The following CHRNA7 variants were observed in gnomAD, a reference collection of about 807,000 sequenced individuals.
The protein encoded by CHRNA7 is cholinergic receptor nicotinic alpha 7 subunit.
A neutral mutation model predicts 48.0 loss-of-function variants in CHRNA7; 17 were observed. The ratio of observed to expected loss-of-function variants is 0.35; its 90% CI spans 0.24 to 0.53. The LOEUF (loss-of-function observed/expected upper bound fraction) is 0.53. CHRNA7 is among the 20% of genes least tolerant of loss of function. CHRNA7 has a pLI of 0.92. For synonymous variants in CHRNA7, 75 were observed against 242.3 expected (o/e 0.31, Z 6.41); for missense variants, 155 against 577.7 (o/e 0.27, Z 7.50).
chr15:32,163,476 G>T (rs2051966895), intron 9 of CHRNA7, 141 bp downstream of exon 9: 1 of 256,688 alleles, frequency 3.9e-6, no homozygotes, highest in African/African-American at 4.3e-5. Flanking sequence ...TTGAGACGGA[G>T]TCTCACTATG....
chr15:32,104,322 C>A (rs1301555098), intron 3 of CHRNA7, among the ~76,000 whole-genome samples: 1 of 152,032 alleles, frequency 6.6e-6, no homozygotes, highest in African/African-American at 2.4e-5. Context: ...CAGGAAGACT[C>A]GTCCCTAAGA....
intron 2 of CHRNA7, among the ~76,000 whole-genome samples, chr15:32,064,744 G>A (rs754395889): frequency 6.6e-6 from 1 of 152,100 alleles, no homozygotes; most frequent in Non-Finnish European, 1.5e-5. Flanking sequence ...CAAGGGAGGG[G>A]CTGGGGGTCA....
At chr15:32,116,382 C>T (rs994400642) in intron 4 of CHRNA7, among the ~76,000 whole-genome samples, 4 of 152,170 alleles carry the variant, frequency 2.6e-5, no homozygotes, top group African/African-American at 9.7e-5. Flanking sequence ...TGCTGTATTT[C>T]CTTGATGGGT....
chr15:32,048,914 C>A (rs1243263923), intron 2 of CHRNA7, among the ~76,000 whole-genome samples: 1 of 151,340 alleles, frequency 6.6e-6, no homozygotes, highest in Non-Finnish European at 1.5e-5. Flanking sequence ...TTTCTGCCTT[C>A]ATTTCGTTAT....
chr15:32,109,746 C>A (rs1047371271), intron 3 of CHRNA7, among the ~76,000 whole-genome samples: 3 of 152,146 alleles, frequency 2.0e-5, no homozygotes, highest in Non-Finnish European at 4.4e-5. Flanking sequence ...TATCACTGAC[C>A]CCCCCGAACT....
intron 4 of CHRNA7, among the ~76,000 whole-genome samples, chr15:32,123,565 G>GACT (rs1303046588): frequency 6.6e-6 from 1 of 152,128 alleles, no homozygotes; most frequent in Non-Finnish European, 1.5e-5. Context: ...TTACTTATCA[G>GACT]ACTACAGCAA....
chr15:32,135,385 A>G (rs923025565), intron 4 of CHRNA7, among the ~76,000 whole-genome samples: 3 of 152,252 alleles, frequency 2.0e-5, no homozygotes, highest in African/African-American at 7.2e-5. Flanking sequence ...TCAAACTAGT[A>G]CAAATTTATA....
intron 4 of CHRNA7, 53 bp downstream of exon 4, chr15:32,111,952 C>T: frequency 9.8e-7 from 1 of 1,015,384 alleles, no homozygotes; most frequent in South Asian, 1.3e-5. Context: ...ATACATGTAG[C>T]TATCACGTAT....
At chr15:32,095,753 C>A (rs2050458391) in intron 2 of CHRNA7, among the ~76,000 whole-genome samples, 1 of 152,162 alleles carries the variant, frequency 6.6e-6, no homozygotes, top group Non-Finnish European at 1.5e-5. Context: ...TTCAGAAACC[C>A]AGGGGTTCCA....
intron 2 of CHRNA7, among the ~76,000 whole-genome samples, chr15:32,082,653 TATG>T (rs920582777): frequency 2.6e-5 from 4 of 152,220 alleles, no homozygotes; most frequent in African/African-American, 9.6e-5. Context: ...TTATTTTTAA[TATG>T]ATTATTTTGA....
chr15:32,112,667 C>G (rs943590994), intron 4 of CHRNA7, among the ~76,000 whole-genome samples: 2 of 152,156 alleles, frequency 1.3e-5, no homozygotes, highest in African/African-American at 4.8e-5. Flanking sequence ...TAATCATGAC[C>G]GCTACCTTTG....
In CHRNA7 at chr15:32,086,877, G is replaced by A. The variant is rs373297407; in HGVS notation, c.196-14426G>A. Among the ~76,000 whole-genome samples, 15 of 152,282 alleles carry A rather than the reference G, an allele frequency of 9.9e-5. No homozygotes were observed. In the East Asian group the frequency reaches 2.1e-3, roughly 22 times the overall value. Reference sequence around the variant, plus strand: ...TATATGTTATCATATCATATCCAGGGTGCATAATATCAATATGACTTACTG... The same window carrying A: ...TATATGTTATCATATCATATCCAGGATGCATAATATCAATATGACTTACTG... On this transcript the variant is annotated intron_variant, in intron 2 of 9. Coordinates refer to ENST00000306901, the MANE Select transcript of CHRNA7 (RefSeq NM_000746.6).
At chr15:32,065,195 T>C (rs1386932162) in intron 2 of CHRNA7, among the ~76,000 whole-genome samples, 1 of 152,216 alleles carries the variant, frequency 6.6e-6, no homozygotes, top group Non-Finnish European at 1.5e-5. Flanking sequence ...TAACCTGCCC[T>C]ATTTCCTTCT....
Position 32,055,611 on chromosome 15 carries a change from A to G in CHRNA7, c.195+24574A>G, listed in dbSNP as rs143610963. On this transcript the variant is annotated intron_variant, in intron 2 of 9. Coordinates refer to ENST00000306901, the MANE Select transcript of CHRNA7 (RefSeq NM_000746.6). ...GGCCTTCATGACCTAAGCATCTCTT[A>G]TAGGTTCTGTCTCCCAATACCATCC... Among the ~76,000 whole-genome samples, 281 of 152,324 alleles carry G rather than the reference A, an allele frequency of 1.8e-3. 1 individual carries two copies. Among genetic ancestry groups the G allele is most frequent in the African/African-American group, 6.3e-3 (261 of 41,566 alleles).
chr15:32,117,009 A>C (rs1721236136), intron 4 of CHRNA7, among the ~76,000 whole-genome samples: 1 of 152,202 alleles, frequency 6.6e-6, no homozygotes, highest in African/African-American at 2.4e-5. Context: ...GTAAGCACTC[A>C]TAATTGTGCT....
intron 2 of CHRNA7, among the ~76,000 whole-genome samples, chr15:32,031,432 C>G (rs968010534): frequency 6.6e-6 from 1 of 152,338 alleles, no homozygotes; most frequent in Middle Eastern, 3.4e-3. Context: ...TTAGCCACTT[C>G]TAGACTTTTC....
At chr15:32,031,137 G>C in intron 2 of CHRNA7, 100 bp downstream of exon 2, 1 of 1,459,458 alleles carries the variant, frequency 6.9e-7, no homozygotes, top group Non-Finnish European at 9.4e-7. Context: ...CTCGGCTGGG[G>C]CACTCTAGTT....
At chr15:32,110,126 C>G (rs551571930) in intron 3 of CHRNA7, among the ~76,000 whole-genome samples, 1 of 152,212 alleles carries the variant, frequency 6.6e-6, no homozygotes, top group Non-Finnish European at 1.5e-5. Context: ...GTGACCGACA[C>G]AGAGAAGCAT....
intron 3 of CHRNA7, among the ~76,000 whole-genome samples, chr15:32,105,396 G>A (rs12898347): frequency 2.5e-4 from 38 of 151,678 alleles, no homozygotes; most frequent in African/African-American, 8.7e-4. Flanking sequence ...AGGAAAAATG[G>A]AGGAGGAGTT....
Sources: allele counts gnomAD v4.1 joint callset (sites outside exome capture counted in the v4.1 genomes callset), GRCh38; gene constraint gnomAD v4.1.1; transcripts MANE v1.5; gene names NCBI Gene and HGNC (gene_info 2026-07-23, HGNC 2026-07-21).